Variants in CTNNA3 observed in about 807,000 individuals in gnomAD.
CTNNA3 encodes catenin alpha 3.
In CTNNA3, 76 loss-of-function variants were observed where a neutral mutation model predicts 95.7. The observed-to-expected ratio is 0.79, with a 90% CI of 0.66 to 0.96. CTNNA3 has a LOEUF of 0.96. Among genes scored for constraint, CTNNA3 ranks in the 40% least tolerant of loss-of-function variants. The pLI, the probability that CTNNA3 is intolerant of heterozygous loss-of-function variation, is 0.00. For missense variants in CTNNA3, 1,191 were observed against 1,089.8 expected (o/e 1.09, Z -1.31); for synonymous variants, 431 against 374.4 (o/e 1.15, Z -1.74).
At chr10:66,271,446 A>G (rs1405093605) in intron 13 of CTNNA3, among the ~76,000 whole-genome samples, 1 of 152,194 alleles carries the variant, frequency 6.6e-6, no homozygotes, top group East Asian at 1.9e-4. Flanking sequence ...CAAAATAATA[A>G]AACTTACTAG....
At chr10:66,370,701 C>G (rs1277967975) in intron 12 of CTNNA3, among the ~76,000 whole-genome samples, 1 of 151,954 alleles carries the variant, frequency 6.6e-6, no homozygotes, top group Non-Finnish European at 1.5e-5. Flanking sequence ...GCTGTGCAAA[C>G]ATTATGATTT....
At chr10:66,683,391 T>A (rs1271193595) in intron 9 of CTNNA3, among the ~76,000 whole-genome samples, 1 of 152,190 alleles carries the variant, frequency 6.6e-6, no homozygotes, top group East Asian at 1.9e-4. Context: ...CTACTGATAC[T>A]ATTACAAGTT....
chr10:67,411,299 T>G (rs1845358593), intron 5 of CTNNA3, among the ~76,000 whole-genome samples: 1 of 152,146 alleles, frequency 6.6e-6, no homozygotes, highest in Non-Finnish European at 1.5e-5. Context: ...CAAAACATCA[T>G]GTTGTATGCC....
At chr10:67,750,852 C>T (rs1841403211) in intron 1 of CTNNA3, 8 of 1,610,768 alleles carry the variant, frequency 5.0e-6, no homozygotes, top group Non-Finnish European at 6.8e-6. Context: ...GTCACCCATA[C>T]CTCACACAGG....
At chr10:66,597,543 T>TATATATAC (rs1843759941) in intron 10 of CTNNA3, among the ~76,000 whole-genome samples, 1 of 130,258 alleles carries the variant, frequency 7.7e-6, no homozygotes, top group African/African-American at 2.9e-5. Context: ...TATATATATA[T>TATATATAC]ATATATATAT....
intron 12 of CTNNA3, among the ~76,000 whole-genome samples, chr10:66,330,211 C>G (rs1589096785): frequency 6.6e-6 from 1 of 151,600 alleles, no homozygotes; most frequent in South Asian, 2.1e-4. Flanking sequence ...AATGCTATCC[C>G]TCCCCCCCTC....
At chr10:66,590,672 T>A (rs1342608669) in intron 10 of CTNNA3, among the ~76,000 whole-genome samples, 3 of 152,128 alleles carry the variant, frequency 2.0e-5, no homozygotes, top group Non-Finnish European at 4.4e-5. Flanking sequence ...AACATAGTCA[T>A]GTAACATGTG....
At chr10:66,077,423 T>C (rs2080589184) in intron 14 of CTNNA3, among the ~76,000 whole-genome samples, 1 of 151,834 alleles carries the variant, frequency 6.6e-6, no homozygotes. Flanking sequence ...TCTATAACAT[T>C]TGTGACCAAT....
intron 9 of CTNNA3, among the ~76,000 whole-genome samples, chr10:66,735,404 T>A (rs539299326): frequency 1.3e-5 from 2 of 152,142 alleles, no homozygotes; most frequent in South Asian, 4.1e-4. Flanking sequence ...ACATTAAGAA[T>A]GTTTTTATTT....
chr10:67,301,897 A>G (rs536476959), intron 5 of CTNNA3, among the ~76,000 whole-genome samples: 35 of 151,638 alleles, frequency 2.3e-4, no homozygotes, highest in Non-Finnish European at 3.7e-4. Flanking sequence ...TGAACCCGGG[A>G]GGCGGAGCTT....
chr10:66,459,121 G>A (rs1258678577), intron 11 of CTNNA3, among the ~76,000 whole-genome samples: 1 of 152,064 alleles, frequency 6.6e-6, no homozygotes, highest in Non-Finnish European at 1.5e-5. Context: ...TCAACCTGAA[G>A]ACAACAAAGA....
intron 7 of CTNNA3, among the ~76,000 whole-genome samples, chr10:66,824,762 A>T (rs1367008450): frequency 3.3e-5 from 5 of 152,150 alleles, no homozygotes; most frequent in African/African-American, 1.2e-4. Flanking sequence ...CATCAAAAAC[A>T]AGGACAGCCT....
intron 7 of CTNNA3, among the ~76,000 whole-genome samples, chr10:66,921,278 A>T (rs541911446): frequency 2.0e-5 from 3 of 152,236 alleles, no homozygotes; most frequent in Non-Finnish European, 4.4e-5. Context: ...ATTACCTCAC[A>T]AATGCTCTAT....
intron 1 of CTNNA3, among the ~76,000 whole-genome samples, chr10:67,721,392 T>C (rs1432221255): frequency 1.3e-5 from 2 of 152,158 alleles, no homozygotes; most frequent in Non-Finnish European, 2.9e-5. Context: ...TCTTCACGCT[T>C]TATTTCATTA....
chr10:66,388,833 C>T (rs74141470), intron 11 of CTNNA3, among the ~76,000 whole-genome samples: 11,612 of 152,138 alleles, frequency 0.076, 564 homozygotes, highest in East Asian at 0.22. Context: ...TACTGTGACA[C>T]GTTCCCATTA....
chr10:66,634,737 C>G (rs989040614), intron 9 of CTNNA3, among the ~76,000 whole-genome samples: 1 of 152,000 alleles, frequency 6.6e-6, no homozygotes, highest in Non-Finnish European at 1.5e-5. Flanking sequence ...TCTTGTCCCT[C>G]TCAAATAAGT....
intron 13 of CTNNA3, among the ~76,000 whole-genome samples, chr10:66,208,686 T>C (rs1037778697): frequency 7.2e-5 from 11 of 152,122 alleles, no homozygotes; most frequent in African/African-American, 2.7e-4. Context: ...AAAAGTGACA[T>C]TTTATGGCCT....
At chr10:67,563,433 A>G (rs1471349678) in intron 3 of CTNNA3, among the ~76,000 whole-genome samples, 1 of 152,244 alleles carries the variant, frequency 6.6e-6, no homozygotes, top group Non-Finnish European at 1.5e-5. Context: ...AAAACAGGCT[A>G]GCCATATGTA....
At chr10:67,243,241 G>A (rs1865782450) in intron 5 of CTNNA3, among the ~76,000 whole-genome samples, 3 of 152,066 alleles carry the variant, frequency 2.0e-5, no homozygotes, top group South Asian at 2.1e-4. Flanking sequence ...AAAAAGAAAC[G>A]TGAGGAATAT....
Sources: allele counts gnomAD v4.1 joint callset (sites outside exome capture counted in the v4.1 genomes callset), GRCh38; gene constraint gnomAD v4.1.1; transcripts MANE v1.5; gene names NCBI Gene and HGNC (gene_info 2026-07-23, HGNC 2026-07-21).